Variants in DOCK1 observed in about 807,000 individuals in gnomAD.
DOCK1 encodes dedicator of cytokinesis protein 1.
DOCK1 carries 138 observed loss-of-function variants against 262.7 expected under a neutral mutation model. The ratio of observed to expected loss-of-function variants is 0.53; its 90% CI spans 0.46 to 0.61. The LOEUF (loss-of-function observed/expected upper bound fraction) is 0.61, where lower values mean the gene tolerates loss of function less well. Ranked by LOEUF, DOCK1 falls within the 20% of genes least tolerant of loss-of-function variation. The probability of loss-of-function intolerance (pLI) is 0.00; values close to 1 mark genes in which losing one functional copy is unlikely to be tolerated. For synonymous variants in DOCK1, 866 were observed against 867.4 expected, an observed-to-expected ratio of 1.00 and a Z score of 0.03; for missense variants, 1,908 against 2,370.7, an observed-to-expected ratio of 0.80 and a Z score of 4.05.
At chr10:126,948,822 A>G (rs2035879236) in intron 1 of DOCK1, among the ~76,000 whole-genome samples, 1 of 151,956 alleles carries the variant, frequency 6.6e-6, no homozygotes, top group African/African-American at 2.4e-5. Flanking sequence ...TCTCCCTCAA[A>G]GGGAACCTTG....
At chr10:126,912,560 A>G (rs146383384) in intron 1 of DOCK1, among the ~76,000 whole-genome samples, 2 of 151,202 alleles carry the variant, frequency 1.3e-5, no homozygotes, top group African/African-American at 2.4e-5. Flanking sequence ...CCCTGTCTCT[A>G]CTAAAAATAC....
intron 30 of DOCK1, among the ~76,000 whole-genome samples, chr10:127,341,185 A>G (rs1164703374): frequency 6.6e-6 from 1 of 152,130 alleles, no homozygotes; most frequent in East Asian, 1.9e-4. Flanking sequence ...TTCCCACGTC[A>G]TTTCATGAAT....
chr10:127,011,259 TGTC>T (rs1434725150), intron 11 of DOCK1, among the ~76,000 whole-genome samples: 4 of 152,344 alleles, frequency 2.6e-5, no homozygotes, highest in South Asian at 4.2e-4. Context: ...CTTTGGGAAA[TGTC>T]GTGCTAATGA....
At position 127,147,551 on chromosome 10, in the gene DOCK1, C is replaced by T. The variant is rs1279236737; in HGVS notation, c.2847+19787C>T. 6.6e-5 allele frequency among the ~76,000 whole-genome samples: 10 copies of T among 152,230 alleles called. No individual in the cohort carries two copies. In the East Asian group the frequency reaches 1.7e-3, roughly 27 times the overall value. On this transcript the variant is annotated intron_variant, in intron 27 of 51. Coordinates refer to ENST00000623213, the MANE Select transcript of DOCK1 (RefSeq NM_001290223.2). Reference sequence around the variant, plus strand: ...CAGAGCTCTGTCCTTACCCTCATCCCGGGGTCCCAGGGTAAGGGGCATGCA... The same window carrying T: ...CAGAGCTCTGTCCTTACCCTCATCCTGGGGTCCCAGGGTAAGGGGCATGCA...
chr10:127,412,388 A>G (rs903531918), intron 43 of DOCK1, among the ~76,000 whole-genome samples: 25 of 152,292 alleles, frequency 1.6e-4, no homozygotes, highest in African/African-American at 5.8e-4. Context: ...TCCTGGGCTC[A>G]AGTGAGTGGA....
intron 27 of DOCK1, among the ~76,000 whole-genome samples, chr10:127,183,187 A>T (rs1175622580): frequency 6.7e-6 from 1 of 148,842 alleles, no homozygotes; most frequent in African/African-American, 2.5e-5. Context: ...ATATCAAAGG[A>T]GTCTGTTTTC....
chr10:127,336,760 C>G (rs1227230367), intron 29 of DOCK1, among the ~76,000 whole-genome samples: 1 of 152,112 alleles, frequency 6.6e-6, no homozygotes, highest in Non-Finnish European at 1.5e-5. Flanking sequence ...AGGATGGTCT[C>G]AATCTCCTGA....
intron 27 of DOCK1, among the ~76,000 whole-genome samples, chr10:127,152,094 G>T (rs1235427088): frequency 1.3e-5 from 2 of 152,010 alleles, no homozygotes; most frequent in African/African-American, 4.8e-5. Flanking sequence ...ACCTACCCTG[G>T]ATGTCTTGAC....
chr10:127,036,871 G>A (rs931268545), intron 18 of DOCK1, among the ~76,000 whole-genome samples: 3 of 151,536 alleles, frequency 2.0e-5, no homozygotes, highest in Admixed American at 1.3e-4. Flanking sequence ...TAGCTACTTC[G>A]GAGGCTGAGG....
At chr10:127,349,713 T>G (rs532464153) in intron 31 of DOCK1, among the ~76,000 whole-genome samples, 1 of 152,324 alleles carries the variant, frequency 6.6e-6, no homozygotes, top group East Asian at 1.9e-4. Flanking sequence ...TGGTTCCTTC[T>G]GGAGGTTCTG....
At chr10:127,272,413 CAGAGTCCT>C (rs2060601570) in intron 29 of DOCK1, among the ~76,000 whole-genome samples, 1 of 152,158 alleles carries the variant, frequency 6.6e-6, no homozygotes, top group Non-Finnish European at 1.5e-5. Context: ...CATGGACACA[CAGAGTCCT>C]AGGAAGAGAT....
chr10:127,352,184 G>A (rs988150419), intron 31 of DOCK1, among the ~76,000 whole-genome samples: 3 of 135,716 alleles, frequency 2.2e-5, no homozygotes, highest in South Asian at 2.6e-4. Context: ...TCGGGGAGGG[G>A]TGGGGAGGAG....
chr10:126,909,327 C>G (rs1290093215), intron 1 of DOCK1, among the ~76,000 whole-genome samples: 1 of 152,196 alleles, frequency 6.6e-6, no homozygotes, highest in Non-Finnish European at 1.5e-5. Context: ...TCCCCAGGGC[C>G]TCCTGCTAAG....
intron 29 of DOCK1, among the ~76,000 whole-genome samples, chr10:127,263,840 G>A (rs980123984): frequency 3.3e-5 from 5 of 152,124 alleles, no homozygotes; most frequent in Non-Finnish European, 5.9e-5. Flanking sequence ...GAATTTTTGT[G>A]TCTCTTCTAG....
chr10:126,924,766 T>C (rs956903467), intron 1 of DOCK1, among the ~76,000 whole-genome samples: 2 of 152,222 alleles, frequency 1.3e-5, no homozygotes, highest in African/African-American at 4.8e-5. Flanking sequence ...CCCTCTTTGA[T>C]CTCTGTGATT....
At chr10:127,115,261 GA>G (rs1394222257) in intron 25 of DOCK1, among the ~76,000 whole-genome samples, 1 of 152,218 alleles carries the variant, frequency 6.6e-6, no homozygotes, top group Non-Finnish European at 1.5e-5. Context: ...GCCCTTTGCT[GA>G]GGTAGAGGGC....
In DOCK1 at chr10:127,141,430, C is replaced by T. The variant is rs1252400463; in HGVS notation, c.2847+13666C>T. On this transcript the variant is annotated intron_variant, in intron 27 of 51. Transcript: ENST00000623213. Reference sequence around the variant, plus strand: ...TTAAAAGGCAAATTCTGGCCAGGCACGGTGGCTCATGCCTGTAATCCTAGC... The same window carrying T: ...TTAAAAGGCAAATTCTGGCCAGGCATGGTGGCTCATGCCTGTAATCCTAGC... Among the ~76,000 whole-genome samples, 7 of 152,238 alleles carry T rather than the reference C, an allele frequency of 4.6e-5. No homozygotes were observed. The South Asian group carries it at 6.2e-4, about 14-fold the overall frequency.
intron 31 of DOCK1, among the ~76,000 whole-genome samples, chr10:127,349,394 C>G (rs1044067607): frequency 2.0e-5 from 3 of 152,118 alleles, no homozygotes; most frequent in African/African-American, 7.2e-5. Context: ...CTCTCCTGAG[C>G]TTTTCTCCAA....
intron 2 of DOCK1, 120 bp downstream of exon 2, chr10:126,970,905 C>T: frequency 8.9e-7 from 1 of 1,125,554 alleles, no homozygotes; most frequent in Non-Finnish European, 1.2e-6. Context: ...GCTTCCTTCT[C>T]AGGCTCCCTT....
Sources: gnomAD v4.1 joint callset for allele counts (sites outside exome capture counted in the v4.1 genomes callset) on GRCh38, gnomAD v4.1.1 for gene constraint, MANE v1.5 for transcripts, NCBI Gene and HGNC (gene_info 2026-07-23, HGNC 2026-07-21) for gene names.